The following DPF3 variants were observed in gnomAD, a reference collection of about 807,000 sequenced individuals.
DPF3 encodes double PHD fingers 3.
Under a neutral mutation model 56.8 loss-of-function variants are expected in DPF3, and 18 were observed. That is an observed-to-expected ratio of 0.32 (90% CI 0.22 to 0.47). DPF3 has a LOEUF of 0.47. Ranked by LOEUF, DPF3 falls within the 20% of genes least tolerant of loss-of-function variation. The pLI, the probability that DPF3 is intolerant of heterozygous loss-of-function variation, is 1.00. For synonymous variants in DPF3, 188 were observed against 180.2 expected, an observed-to-expected ratio of 1.04 and a Z score of -0.35; for missense variants, 403 against 488.8, an observed-to-expected ratio of 0.82 and a Z score of 1.65.
At chr14:72,626,974 G>T (rs1470658642) in intron 9 of DPF3, among the ~76,000 whole-genome samples, 1 of 151,312 alleles carries the variant, frequency 6.6e-6, no homozygotes, top group Non-Finnish European at 1.5e-5. Flanking sequence ...TCTTTTGTGG[G>T]TTGTCTTTCA....
rs139590354 is a variant in DPF3 at position 72,811,999 on chromosome 14, C to T, written c.33-40106G>A. Among the ~76,000 whole-genome samples the T allele has an allele frequency of 2.5e-4, 38 of 152,190 alleles. 1 individual carries two copies. In the East Asian group the frequency reaches 6.4e-3, roughly 26 times the overall value. ...CAGCCTGTCTTGCTGCCTCTCCTGC[C>T]GTCTTGGAACCTCTTGCCTCCTTCA... On this transcript the variant is annotated intron_variant, in intron 1 of 10. Transcript: ENST00000556509.
chr14:72,650,863 G>A (rs938445449), intron 8 of DPF3, among the ~76,000 whole-genome samples: 4 of 152,122 alleles, frequency 2.6e-5, no homozygotes, highest in Non-Finnish European at 5.9e-5. Context: ...ACAGACACCC[G>A]GGAACACTGC....
At chr14:72,630,490 G>A (rs1885106518) in intron 8 of DPF3, among the ~76,000 whole-genome samples, 1 of 152,202 alleles carries the variant, frequency 6.6e-6, no homozygotes, top group African/African-American at 2.4e-5. Flanking sequence ...ACATTAAGCT[G>A]TGACCTTCAA....
At chr14:72,663,311 C>T (rs1339783645) in intron 8 of DPF3, among the ~76,000 whole-genome samples, 1 of 152,140 alleles carries the variant, frequency 6.6e-6, no homozygotes, top group Non-Finnish European at 1.5e-5. Flanking sequence ...TGGTATAGAA[C>T]CAATTCAGCC....
At chr14:72,893,794 G>T (rs1456560303) in intron 1 of DPF3, among the ~76,000 whole-genome samples, 1 of 152,218 alleles carries the variant, frequency 6.6e-6, no homozygotes, top group African/African-American at 2.4e-5. Context: ...TTCTCCGCCT[G>T]CAACCCCTAT....
chr14:72,822,655 A>AT (rs961555187), intron 1 of DPF3, among the ~76,000 whole-genome samples: 9 of 152,288 alleles, frequency 5.9e-5, no homozygotes, highest in African/African-American at 2.2e-4. Context: ...TAGTGTTTAA[A>AT]TTTTTTACCA....
chr14:72,882,808 A>C (rs1480654694), intron 1 of DPF3, among the ~76,000 whole-genome samples: 10 of 139,520 alleles, frequency 7.2e-5, no homozygotes, highest in African/African-American at 1.9e-4. Flanking sequence ...CCCTCTCCCC[A>C]CTCCCCTCAC....
intron 7 of DPF3, among the ~76,000 whole-genome samples, chr14:72,684,929 C>G (rs966411846): frequency 6.6e-6 from 1 of 152,166 alleles, no homozygotes; most frequent in African/African-American, 2.4e-5. Context: ...GCTTGTTTCT[C>G]TCTCTCCACC....
At chr14:72,803,857 A>T (rs1430949381) in intron 1 of DPF3, among the ~76,000 whole-genome samples, 1 of 151,412 alleles carries the variant, frequency 6.6e-6, no homozygotes, top group Non-Finnish European at 1.5e-5. Context: ...AAACACAAAC[A>T]TGTGCAGTGA....
chr14:72,735,759 G>A (rs937261960), intron 3 of DPF3, among the ~76,000 whole-genome samples: 3 of 152,188 alleles, frequency 2.0e-5, no homozygotes, highest in Non-Finnish European at 2.9e-5. Context: ...GGCTAGCTAC[G>A]TAACCTAAGC....
intron 8 of DPF3, among the ~76,000 whole-genome samples, chr14:72,632,448 T>C (rs537646547): frequency 6.6e-6 from 1 of 152,280 alleles, no homozygotes; most frequent in Non-Finnish European, 1.5e-5. Context: ...CTTTTTGTAA[T>C]ATATTTTGTA....
At chr14:72,858,954 T>C (rs546882031) in intron 1 of DPF3, among the ~76,000 whole-genome samples, 104 of 152,078 alleles carry the variant, frequency 6.8e-4, no homozygotes, top group African/African-American at 2.4e-3. Flanking sequence ...TATATATGGG[T>C]GTATATGTAT....
intron 1 of DPF3, among the ~76,000 whole-genome samples, chr14:72,817,235 C>T (rs983572482): frequency 6.6e-6 from 1 of 152,228 alleles, no homozygotes; most frequent in African/African-American, 2.4e-5. Flanking sequence ...AACTCTCTTC[C>T]CACTTTTATG....
chr14:72,827,115 G>A (rs1358254149), intron 1 of DPF3, among the ~76,000 whole-genome samples: 1 of 26,294 alleles, frequency 3.8e-5, no homozygotes, highest in Non-Finnish European at 7.5e-5. Flanking sequence ...GCAAACCACT[G>A]TATAAGTCCA....
At chr14:72,661,656 C>A in intron 8 of DPF3, 1 of 985,424 alleles carries the variant, frequency 1.0e-6, no homozygotes, top group Non-Finnish European at 1.2e-6. Flanking sequence ...TGTTAGAACA[C>A]CCGCCGTCTT....
intron 1 of DPF3, among the ~76,000 whole-genome samples, chr14:72,779,306 T>C (rs1161464585): frequency 6.6e-6 from 1 of 152,196 alleles, no homozygotes; most frequent in Non-Finnish European, 1.5e-5. Flanking sequence ...TCTCCTGTAG[T>C]CCTCATCACC....
intron 1 of DPF3, among the ~76,000 whole-genome samples, chr14:72,867,286 G>A (rs1885713728): frequency 6.6e-6 from 1 of 152,166 alleles, no homozygotes; most frequent in Admixed American, 6.5e-5. Context: ...TGCACTGTAT[G>A]GAGAACCTGA....
intron 5 of DPF3, among the ~76,000 whole-genome samples, chr14:72,721,416 C>A (rs757674587): frequency 3.9e-5 from 6 of 152,188 alleles, no homozygotes; most frequent in Non-Finnish European, 8.8e-5. Flanking sequence ...TGGACATGCA[C>A]AGCTCTTTGG....
chr14:72,881,597 CG>C (rs1191956485), intron 1 of DPF3, among the ~76,000 whole-genome samples: 1 of 152,058 alleles, frequency 6.6e-6, no homozygotes, highest in East Asian at 1.9e-4. Context: ...AGAACAAATG[CG>C]GATGTCAAAC....
Sources: allele counts gnomAD v4.1 joint callset (sites outside exome capture counted in the v4.1 genomes callset), GRCh38; gene constraint gnomAD v4.1.1; transcripts MANE v1.5; gene names NCBI Gene and HGNC (gene_info 2026-07-23, HGNC 2026-07-21).